The following DSCAM variants were observed in gnomAD, a reference collection of about 807,000 sequenced individuals.
DSCAM encodes cell adhesion molecule DSCAM.
DSCAM carries 47 observed loss-of-function variants against 217.7 expected under a neutral mutation model. The observed-to-expected ratio is 0.22, with a 90% CI of 0.17 to 0.28. DSCAM has a LOEUF of 0.28. DSCAM is among the 10% of genes least tolerant of loss of function. DSCAM has a pLI of 1.00. For synonymous variants in DSCAM, 1,056 were observed against 1,015.3 expected, an observed-to-expected ratio of 1.04 and a Z score of -0.76; for missense variants, 2,080 against 2,618.3, an observed-to-expected ratio of 0.79 and a Z score of 4.49.
chr21:40,539,231 G>A (rs937598271), intron 3 of DSCAM, among the ~76,000 whole-genome samples: 26 of 152,128 alleles, frequency 1.7e-4, no homozygotes, highest in Non-Finnish European at 2.8e-4. Context: ...ATGGCTGGGC[G>A]CGGTGGCTCA....
At chr21:40,825,104 G>C (rs2123613167) in intron 1 of DSCAM, among the ~76,000 whole-genome samples, 1 of 151,588 alleles carries the variant, frequency 6.6e-6, no homozygotes, top group South Asian at 2.1e-4. Flanking sequence ...CGTTAATATA[G>C]TGTTTTTTTC....
At chr21:40,295,133 T>C (rs1032667432) in intron 10 of DSCAM, among the ~76,000 whole-genome samples, 2 of 151,364 alleles carry the variant, frequency 1.3e-5, no homozygotes, top group African/African-American at 4.9e-5. Context: ...TCAACACAAA[T>C]ACAAATACCT....
intron 8 of DSCAM, 81 bp from the exon 9 acceptor site, chr21:40,312,440 AG>A (rs1275110289): frequency 6.7e-7 from 1 of 1,484,680 alleles, no homozygotes; most frequent in Non-Finnish European, 9.1e-7. Flanking sequence ...CGGCACTGAA[AG>A]GGTAGTACAG....
chr21:40,466,521 C>T (rs1010140433), intron 3 of DSCAM, among the ~76,000 whole-genome samples: 1 of 152,180 alleles, frequency 6.6e-6, no homozygotes, highest in Admixed American at 6.5e-5. Context: ...CACTGCTTAT[C>T]AAGGCAGTCC....
chr21:40,711,474 G>A (rs2090779892), intron 1 of DSCAM, among the ~76,000 whole-genome samples: 1 of 152,184 alleles, frequency 6.6e-6, no homozygotes, highest in Non-Finnish European at 1.5e-5. Flanking sequence ...CTGCTGTTAG[G>A]AAGCACAGCA....
At chr21:40,418,085 G>A (rs1038186495) in intron 3 of DSCAM, among the ~76,000 whole-genome samples, 1 of 152,156 alleles carries the variant, frequency 6.6e-6, no homozygotes, top group African/African-American at 2.4e-5. Context: ...GTACGATAGG[G>A]GATTAGAGGG....
At chr21:40,283,987 C>A (rs541941935) in intron 10 of DSCAM, among the ~76,000 whole-genome samples, 4 of 149,924 alleles carry the variant, frequency 2.7e-5, no homozygotes, top group African/African-American at 1.0e-4. Context: ...AGGAATCAAA[C>A]ACAATCCCTT....
intron 3 of DSCAM, among the ~76,000 whole-genome samples, chr21:40,527,360 C>CAAAAA (rs1326572422): frequency 2.0e-5 from 3 of 152,022 alleles, no homozygotes; most frequent in Non-Finnish European, 4.4e-5. Context: ...CATTGGCCCA[C>CAAAAA]AGAATGTGAA....
intron 3 of DSCAM, among the ~76,000 whole-genome samples, chr21:40,430,015 T>C (rs2075515260): frequency 1.3e-5 from 2 of 152,196 alleles, no homozygotes; most frequent in Admixed American, 6.5e-5. Context: ...AAAATACAAA[T>C]GAACAAAAAA....
intron 3 of DSCAM, among the ~76,000 whole-genome samples, chr21:40,518,579 C>T: frequency 1.2e-5 from 1 of 84,334 alleles, no homozygotes; most frequent in African/African-American, 6.1e-5. Context: ...TATACATACA[C>T]ACACATATAC....
At chr21:40,104,690 C>G (rs533089551) in intron 20 of DSCAM, among the ~76,000 whole-genome samples, 1 of 152,212 alleles carries the variant, frequency 6.6e-6, no homozygotes, top group East Asian at 1.9e-4. Flanking sequence ...CTTACATAAA[C>G]TATGAACACT....
intron 3 of DSCAM, among the ~76,000 whole-genome samples, chr21:40,414,933 A>G (rs1287989649): frequency 1.3e-4 from 20 of 152,206 alleles, no homozygotes; most frequent in Non-Finnish European, 7.3e-5. Flanking sequence ...TAACCAAGAG[A>G]CAATTTTCTT....
At chr21:40,526,823 A>T (rs1568879047) in intron 3 of DSCAM, among the ~76,000 whole-genome samples, 1 of 152,046 alleles carries the variant, frequency 6.6e-6, no homozygotes, top group African/African-American at 2.4e-5. Flanking sequence ...ATTAAGAAAA[A>T]AAAAACAGAG....
At chr21:40,256,404 CAGAGAGAG>C (rs148333628) in intron 11 of DSCAM, among the ~76,000 whole-genome samples, 1 of 147,714 alleles carries the variant, frequency 6.8e-6, no homozygotes, top group African/African-American at 2.5e-5. Context: ...GAGAGACAGA[CAGAGAGAG>C]AGAGAGAGAG....
At chr21:40,663,214 G>C (rs1190011054) in intron 3 of DSCAM, among the ~76,000 whole-genome samples, 1 of 138,338 alleles carries the variant, frequency 7.2e-6, no homozygotes, top group Non-Finnish European at 1.5e-5. Flanking sequence ...GTGTATGTCT[G>C]TGCATGGTGT....
chr21:40,563,615 T>TATGTTTAC (rs2076739361), intron 3 of DSCAM, among the ~76,000 whole-genome samples: 1 of 147,242 alleles, frequency 6.8e-6, no homozygotes, highest in African/African-American at 2.5e-5. Flanking sequence ...TATGTTTACA[T>TATGTTTAC]GTTTATATAT....
intron 20 of DSCAM, among the ~76,000 whole-genome samples, chr21:40,095,810 A>C (rs565787356): frequency 2.2e-4 from 34 of 152,384 alleles, no homozygotes; most frequent in Non-Finnish European, 3.5e-4. Context: ...AGGGCAATAA[A>C]GTAGTTATAA....
At chr21:40,348,191 CA>C (rs2074582084) in intron 5 of DSCAM, among the ~76,000 whole-genome samples, 1 of 146,798 alleles carries the variant, frequency 6.8e-6, no homozygotes, top group Non-Finnish European at 1.5e-5. Context: ...CTATCAGCCA[CA>C]TTATTGCAAT....
At chr21:40,739,165 A>G (rs2146539054) in intron 1 of DSCAM, among the ~76,000 whole-genome samples, 1 of 152,320 alleles carries the variant, frequency 6.6e-6, no homozygotes, top group Middle Eastern at 3.4e-3. Flanking sequence ...TTTCAGCCAT[A>G]GGCAAAGAGG....
Sources: gnomAD v4.1 joint callset for allele counts (sites outside exome capture counted in the v4.1 genomes callset) on GRCh38, gnomAD v4.1.1 for gene constraint, MANE v1.5 for transcripts, NCBI Gene and HGNC (gene_info 2026-07-23, HGNC 2026-07-21) for gene names.